Variants in ERGIC1 observed in about 807,000 individuals in gnomAD.
ERGIC1 encodes endoplasmic reticulum-golgi intermediate compartment 1, also known as endoplasmic reticulum-Golgi intermediate compartment protein 1.
A neutral mutation model predicts 38.3 loss-of-function variants in ERGIC1; 19 were observed. That is an observed-to-expected ratio of 0.50 (90% CI 0.35 to 0.73). The LOEUF (loss-of-function observed/expected upper bound fraction) is 0.73, where lower values mean the gene tolerates loss of function less well. Among genes scored for constraint, ERGIC1 ranks in the 30% least tolerant of loss-of-function variants. The pLI is 0.01. For missense variants in ERGIC1, 294 were observed against 389.2 expected, an observed-to-expected ratio of 0.76 and a Z score of 2.06; for synonymous variants, 124 against 157.6, an observed-to-expected ratio of 0.79 and a Z score of 1.60.
chr5:172,940,389 G>A (rs143305484), intron 9 of ERGIC1, among the ~76,000 whole-genome samples: 1 of 152,108 alleles, frequency 6.6e-6, no homozygotes, highest in African/African-American at 2.4e-5. Flanking sequence ...TGTGTTTGAC[G>A]ACATGCAAGT....
At position 172,929,476 on chromosome 5, in the gene ERGIC1, G is replaced by A. The variant is rs184347938; in HGVS notation, c.541+2907G>A. On this transcript the variant is annotated intron_variant, in intron 7 of 9. Transcript: ENST00000393784. ...TGGTCAGCTCACAAGGAATCCACATGGGTGTAATTAACTGCAGTGTCTCCA... is the reference window on the plus strand; with the variant it reads ...TGGTCAGCTCACAAGGAATCCACATAGGTGTAATTAACTGCAGTGTCTCCA... 5.3e-5 allele frequency among the ~76,000 whole-genome samples: 8 copies of A among 152,282 alleles called. No homozygotes were observed. The East Asian group carries it at 1.5e-3, about 29-fold the overall frequency.
At chr5:172,836,552 C>A (rs1761041448) in intron 1 of ERGIC1, among the ~76,000 whole-genome samples, 1 of 152,208 alleles carries the variant, frequency 6.6e-6, no homozygotes, top group Non-Finnish European at 1.5e-5. Flanking sequence ...TCTTTAAGCT[C>A]TGTGAACTTC....
At chr5:172,903,988 CATTG>C (rs1490904093) in intron 3 of ERGIC1, among the ~76,000 whole-genome samples, 2 of 150,932 alleles carry the variant, frequency 1.3e-5, no homozygotes, top group African/African-American at 4.9e-5. Context: ...CACACACACA[CATTG>C]ACTCACACTA....
chr5:172,918,169 A>T (rs903145416), intron 5 of ERGIC1: 1 of 152,234 alleles, frequency 6.6e-6, no homozygotes, highest in African/African-American at 2.4e-5. Context: ...ATCAGTCAAT[A>T]AAAATTACAG....
At chr5:172,855,097 C>T (rs1163968326) in intron 1 of ERGIC1, among the ~76,000 whole-genome samples, 1 of 152,162 alleles carries the variant, frequency 6.6e-6, no homozygotes, top group Non-Finnish European at 1.5e-5. Flanking sequence ...GCTGTGTTCC[C>T]CCAACGGACA....
chr5:172,879,768 T>A (rs1762235155), intron 1 of ERGIC1, among the ~76,000 whole-genome samples: 1 of 152,218 alleles, frequency 6.6e-6, no homozygotes, highest in Non-Finnish European at 1.5e-5. Flanking sequence ...GTGGGAGGTT[T>A]TATTCCGCAC....
At chr5:172,913,051 G>T (rs141669178) in intron 4 of ERGIC1, among the ~76,000 whole-genome samples, 2 of 95,214 alleles carry the variant, frequency 2.1e-5, no homozygotes, top group African/African-American at 8.7e-5. Flanking sequence ...TTACCGGCGT[G>T]AGCCACTGTG....
At chr5:172,836,005 G>A (rs1464706409) in intron 1 of ERGIC1, among the ~76,000 whole-genome samples, 4 of 152,186 alleles carry the variant, frequency 2.6e-5, no homozygotes. Flanking sequence ...TGCCACCGCC[G>A]CCCCCTGCCC....
At chr5:172,867,144 TC>T in intron 1 of ERGIC1, 1 of 452,570 alleles carries the variant, frequency 2.2e-6, no homozygotes, top group South Asian at 1.6e-5. Flanking sequence ...GGGTTTGAGT[TC>T]CACCTCCAGT....
intron 1 of ERGIC1, among the ~76,000 whole-genome samples, chr5:172,860,198 G>A (rs1328868258): frequency 3.3e-5 from 5 of 152,224 alleles, no homozygotes; most frequent in African/African-American, 4.8e-5. Context: ...GAGGCAGTGC[G>A]CTCAAGTGGG....
chr5:172,921,144 T>C (rs1475129817), intron 5 of ERGIC1, among the ~76,000 whole-genome samples: 1 of 152,234 alleles, frequency 6.6e-6, no homozygotes, highest in Non-Finnish European at 1.5e-5. Context: ...AGTAATCTTC[T>C]GGCTTTACGC....
At chr5:172,876,873 A>C (rs10060992) in intron 1 of ERGIC1, among the ~76,000 whole-genome samples, 5,136 of 152,144 alleles carry the variant, frequency 0.034, 121 homozygotes, top group African/African-American at 0.06. Context: ...AGAATCATCC[A>C]TGTTGTTGCA....
chr5:172,837,833 C>CGT lies in ERGIC1; in HGVS notation c.20+3407_20+3408dup, dbSNP rs370107651. Among the ~76,000 whole-genome samples the CGT allele has an allele frequency of 7.0e-3, 1,059 of 152,350 alleles. 8 individuals carry two copies. Among genetic ancestry groups the CGT allele is most frequent in the African/African-American group, 0.024 (980 of 41,580 alleles). On this transcript the variant is annotated intron_variant, in intron 1 of 9. Transcript: ENST00000393784. This position sits in a 1 kb window ranked among gnomAD's most constrained non-coding sequence, Gnocchi z 4.3. ...TGGAACTAGCCTTGTGACCCACATC[C>CGT]GTGTGTGTTGTTTCGAGTTCCGGCT...
At chr5:172,915,844 G>A (rs989425948) in intron 5 of ERGIC1, 15 of 336,054 alleles carry the variant, frequency 4.5e-5, no homozygotes, top group Non-Finnish European at 7.4e-5. Flanking sequence ...TGCTCAGAAC[G>A]CCCTTCCTCC....
intron 5 of ERGIC1, chr5:172,920,700 C>A (rs1249842561): frequency 2.0e-6 from 1 of 489,384 alleles, no homozygotes; most frequent in Non-Finnish European, 3.7e-6. Context: ...GTGGCAGGTG[C>A]TGAGGGGACA....
chr5:172,923,641 A>G (rs971014208), intron 5 of ERGIC1, among the ~76,000 whole-genome samples: 2 of 152,104 alleles, frequency 1.3e-5, no homozygotes, highest in Non-Finnish European at 2.9e-5. Flanking sequence ...TGCAAGCTCA[A>G]AGGTCATCCC....
intron 2 of ERGIC1, among the ~76,000 whole-genome samples, chr5:172,893,895 ATATATATATATGTGTGTGTGTGTG>A (rs1762635038): frequency 5.6e-5 from 1 of 17,888 alleles, no homozygotes; most frequent in African/African-American, 1.0e-4. Flanking sequence ...ATATATATAT[ATATATATATATGTGTGTGTGTGTG>A]TGTGTGTGTG....
intron 3 of ERGIC1, among the ~76,000 whole-genome samples, chr5:172,899,178 T>TGGTGTATGTGAAGGCAGGAAGAAG (rs1429404268): frequency 1.3e-5 from 2 of 151,886 alleles, no homozygotes; most frequent in Non-Finnish European, 2.9e-5. Context: ...AGGGATGACC[T>TGGTGTATGTGAAGGCAGGAAGAAG]GGTGTATGTG....
At chr5:172,942,817 G>A (rs952870580) in intron 9 of ERGIC1, among the ~76,000 whole-genome samples, 5 of 152,202 alleles carry the variant, frequency 3.3e-5, no homozygotes, top group African/African-American at 4.8e-5. Flanking sequence ...TGCACACCAG[G>A]CTGGTTTTTA....
Sources: allele counts gnomAD v4.1 joint callset (sites outside exome capture counted in the v4.1 genomes callset), GRCh38; gene constraint gnomAD v4.1.1; non-coding constraint Gnocchi (gnomAD v3.1); transcripts MANE v1.5; gene names NCBI Gene and HGNC (gene_info 2026-07-23, HGNC 2026-07-21).